Variants in VRK2 observed in about 807,000 individuals in gnomAD.
VRK2 encodes VRK serine/threonine kinase 2.
A neutral mutation model predicts 57.6 loss-of-function variants in VRK2; 60 were observed. The ratio of observed to expected loss-of-function variants is 1.04; its 90% confidence interval spans 0.85 to 1.29. VRK2 has a LOEUF of 1.29. VRK2 is among the 50% of genes most tolerant of loss of function. The probability of loss-of-function intolerance (pLI) is 0.00; values close to 1 mark genes in which losing one functional copy is unlikely to be tolerated. For missense variants in VRK2, 705 were observed against 588.1 expected, an observed-to-expected ratio of 1.20 and a Z score of -2.06; for synonymous variants, 231 against 199.2, an observed-to-expected ratio of 1.16 and a Z score of -1.35.
intron 1 of VRK2, chr2:58,047,469 A>T (rs1452667957): frequency 2.0e-6 from 2 of 985,246 alleles, no homozygotes; most frequent in African/African-American, 1.7e-5. Flanking sequence ...CGCCCCCAGG[A>T]TGTACATTTC....
chr2:58,097,018 T>C (rs890131177), intron 7 of VRK2, among the ~76,000 whole-genome samples: 9 of 152,216 alleles, frequency 5.9e-5, no homozygotes, highest in African/African-American at 2.2e-4. Context: ...AATATTATTA[T>C]GATATTGTTT....
intron 2 of VRK2, among the ~76,000 whole-genome samples, chr2:58,077,501 C>T (rs949714804): frequency 4.0e-5 from 6 of 151,838 alleles, no homozygotes; most frequent in Non-Finnish European, 8.8e-5. Context: ...AGAACCTATA[C>T]CTCTAAGCGT....
chr2:57,924,631 A>C (rs112339158), intron 1 of VRK2, among the ~76,000 whole-genome samples: 2,004 of 152,038 alleles, frequency 0.013, 69 homozygotes, highest in African/African-American at 0.046. Context: ...TTCAAATATA[A>C]GATCACATCA....
At chr2:58,104,512 G>A (rs1674464091) in intron 7 of VRK2, among the ~76,000 whole-genome samples, 1 of 151,816 alleles carries the variant, frequency 6.6e-6, no homozygotes. Context: ...AACCAAGAAA[G>A]TGAAAGATCT....
chr2:57,929,931 C>T (rs753326660), intron 1 of VRK2, among the ~76,000 whole-genome samples: 27 of 152,022 alleles, frequency 1.8e-4, no homozygotes, highest in Non-Finnish European at 3.4e-4. Flanking sequence ...AGCTAGTATC[C>T]AGCTTGCAAG....
chr2:58,054,372 C>G (rs1207032603), intron 2 of VRK2, among the ~76,000 whole-genome samples: 3 of 151,160 alleles, frequency 2.0e-5, no homozygotes, highest in African/African-American at 7.3e-5. Context: ...TATCTTGTAA[C>G]TGTTTACAGT....
At chr2:58,150,409 T>C (rs1682819961) in intron 12 of VRK2, among the ~76,000 whole-genome samples, 2 of 151,458 alleles carry the variant, frequency 1.3e-5, no homozygotes, top group Non-Finnish European at 3.0e-5. Context: ...ATATTCTTTA[T>C]TTTCCCTTTA....
At chr2:58,137,173 C>G (rs1279631103) in intron 10 of VRK2, among the ~76,000 whole-genome samples, 23 of 702 alleles carry the variant, frequency 0.033, no homozygotes, top group Non-Finnish European at 0.057. Flanking sequence ...TATCATATAT[C>G]ATATATATCA....
At chr2:58,079,964 C>G (rs914756085) in intron 2 of VRK2, among the ~76,000 whole-genome samples, 12 of 151,852 alleles carry the variant, frequency 7.9e-5, no homozygotes, top group Non-Finnish European at 1.2e-4. Context: ...TTCTTAAAAT[C>G]AAAATATTTA....
At chr2:58,051,487 A>G (rs552164921) in intron 2 of VRK2, among the ~76,000 whole-genome samples, 4 of 152,346 alleles carry the variant, frequency 2.6e-5, no homozygotes, top group South Asian at 2.1e-4. Flanking sequence ...ATGAAATTAC[A>G]TCATGTTTTT....
chr2:58,121,331 T>C (rs1334914773), intron 7 of VRK2, among the ~76,000 whole-genome samples: 1 of 152,238 alleles, frequency 6.6e-6, no homozygotes, highest in Non-Finnish European at 1.5e-5. Context: ...TCCATTTGTG[T>C]AATTATCAGT....
intron 12 of VRK2, among the ~76,000 whole-genome samples, chr2:58,150,700 A>G (rs996529276): frequency 6.6e-6 from 1 of 150,686 alleles, no homozygotes; most frequent in Non-Finnish European, 1.5e-5. Context: ...TATTCTTTCA[A>G]GCTTCATAAG....
intron 2 of VRK2, among the ~76,000 whole-genome samples, chr2:58,081,847 A>G (rs1431583167): frequency 7.1e-6 from 1 of 140,948 alleles, no homozygotes; most frequent in Non-Finnish European, 1.5e-5. Flanking sequence ...GCAAAAGCAT[A>G]TACCATGTCC....
intron 1 of VRK2, among the ~76,000 whole-genome samples, chr2:57,951,340 T>C (rs1199949541): frequency 6.6e-6 from 1 of 151,966 alleles, no homozygotes; most frequent in Non-Finnish European, 1.5e-5. Context: ...AGATGAAGAG[T>C]TGCTTCATGC....
At chr2:58,088,504 G>T in intron 6 of VRK2, 58 bp downstream of exon 6, 2 of 1,267,130 alleles carry the variant, frequency 1.6e-6, no homozygotes, top group South Asian at 2.5e-5. Flanking sequence ...TTGCAATATA[G>T]AAATCTTTTC....
intron 10 of VRK2, 106 bp from the exon 11 acceptor site, chr2:58,139,560 G>T: frequency 2.1e-6 from 2 of 941,500 alleles, no homozygotes; most frequent in Non-Finnish European, 3.2e-6. Context: ...TTCTTCAGGA[G>T]ATGTAAATGT....
rs77496913 is a variant in VRK2 at position 58,011,730 on chromosome 2, C to T, written c.-438-13935C>T. Among the ~76,000 whole-genome samples, 868 of 152,086 alleles carry T rather than the reference C, an allele frequency of 5.7e-3. 9 individuals are homozygous for T. Among genetic ancestry groups the T allele is most frequent in the African/African-American group, 0.02 (821 of 41,474 alleles). On this transcript the variant is annotated intron_variant, in intron 1 of 15. Coordinates refer to the VRK2 transcript ENST00000417641. ...ACCAAGGTTAATACACAGGGAAAAC[C>T]AAAAACAGTTCCATAAAATGAAATT...
chr2:58,117,862 A>G (rs959586086), intron 7 of VRK2, among the ~76,000 whole-genome samples: 6 of 152,170 alleles, frequency 3.9e-5, no homozygotes, highest in Non-Finnish European at 2.9e-5. Context: ...GTAAGGTGGA[A>G]TCTTGCCCAT....
chr2:58,067,769 G>A (rs1668805511), intron 2 of VRK2, among the ~76,000 whole-genome samples: 1 of 151,946 alleles, frequency 6.6e-6, no homozygotes, highest in Non-Finnish European at 1.5e-5. Flanking sequence ...AATATATTTT[G>A]AAGAACTGAA....
Sources: allele counts gnomAD v4.1 joint callset (sites outside exome capture counted in the v4.1 genomes callset), GRCh38; gene constraint gnomAD v4.1.1; transcripts MANE v1.5; gene names NCBI Gene and HGNC (gene_info 2026-07-23, HGNC 2026-07-21).